SHISA9: variants seen among roughly 807,000 people sequenced by gnomAD.
SHISA9 encodes the protein protein shisa-9.
Under a neutral mutation model 38.0 loss-of-function variants are expected in SHISA9, and 13 were observed. The ratio of observed to expected loss-of-function variants is 0.34; its 90% CI spans 0.22 to 0.54. The LOEUF (loss-of-function observed/expected upper bound fraction) is 0.54. Ranked by LOEUF, SHISA9 falls within the 20% of genes least tolerant of loss-of-function variation. The pLI is 0.91. For missense variants in SHISA9, 538 were observed against 575.8 expected (o/e 0.93, Z 0.67); for synonymous variants, 275 against 242.0 (o/e 1.14, Z -1.27).
At chr16:13,162,127 A>G (rs1300720036) in intron 2 of SHISA9, among the ~76,000 whole-genome samples, 1 of 152,170 alleles carries the variant, frequency 6.6e-6, no homozygotes, top group Non-Finnish European at 1.5e-5. Context: ...AGTATTCTCA[A>G]GTAGGTAATG....
At chr16:13,271,852 C>T in the SHISA9 span, among the ~76,000 whole-genome samples, 3 of 151,862 alleles carry the variant, frequency 2.0e-5, no homozygotes, top group Non-Finnish European at 4.4e-5. Flanking sequence ...GAGGCTGAGG[C>T]GGGTGGATAA....
Position 12,945,790 on chromosome 16 carries a change from A to T in SHISA9, c.691+28975A>T, listed in dbSNP as rs114584534. Among the ~76,000 whole-genome samples, 489 of 152,358 alleles carry T rather than the reference A, an allele frequency of 3.2e-3. 4 individuals are homozygous for T. The highest frequency in any genetic ancestry group is 0.012 in the African/African-American group (481 of 41,580). On this transcript the variant is annotated intron_variant, in intron 2 of 4. Coordinates refer to ENST00000558583, the MANE Select transcript of SHISA9 (RefSeq NM_001145204.3). ...CATTAAATGTGGTATATACATACAC[A>T]TCTCCTTTTAAGAATGAGAATATGG...
At chr16:13,104,771 T>C (rs1431919940) in intron 2 of SHISA9, among the ~76,000 whole-genome samples, 1 of 152,188 alleles carries the variant, frequency 6.6e-6, no homozygotes, top group African/African-American at 2.4e-5. Flanking sequence ...AACTGGAGGA[T>C]AATCGAAATT....
chr16:13,155,809 C>T (rs1325965239), intron 2 of SHISA9, among the ~76,000 whole-genome samples: 1 of 152,126 alleles, frequency 6.6e-6, no homozygotes, highest in Non-Finnish European at 1.5e-5. Context: ...CCCTCTCCCC[C>T]TACCCCTATT....
chr16:13,058,852 C>T (rs1282173685), intron 2 of SHISA9, among the ~76,000 whole-genome samples: 4 of 151,862 alleles, frequency 2.6e-5, no homozygotes, highest in South Asian at 2.1e-4. Context: ...CACATAATAC[C>T]GTTGCTCACT....
chr16:13,286,736 A>G, the SHISA9 span, among the ~76,000 whole-genome samples: 23,374 of 152,176 alleles, frequency 0.15, 2,069 homozygotes, highest in Non-Finnish European at 0.2. Flanking sequence ...ACATCCATAG[A>G]TAGATTTTCA....
At chr16:13,441,525 C>G in the SHISA9 span, among the ~76,000 whole-genome samples, 5 of 152,148 alleles carry the variant, frequency 3.3e-5, no homozygotes, top group East Asian at 9.6e-4. Flanking sequence ...GGAACACAGG[C>G]CATGCATGGA....
chr16:13,506,967 T>G, the SHISA9 span, among the ~76,000 whole-genome samples: 3 of 152,004 alleles, frequency 2.0e-5, no homozygotes, highest in Non-Finnish European at 2.9e-5. Context: ...CACTTGAGTC[T>G]GCGAGGTCGA....
At chr16:13,522,029 A>G in the SHISA9 span, among the ~76,000 whole-genome samples, 1 of 152,196 alleles carries the variant, frequency 6.6e-6, no homozygotes, top group Non-Finnish European at 1.5e-5. Context: ...CTCTAAAACA[A>G]CAGCAACGAA....
At chr16:13,205,621 C>G (rs2051056254) in intron 3 of SHISA9, among the ~76,000 whole-genome samples, 1 of 152,186 alleles carries the variant, frequency 6.6e-6, no homozygotes. Flanking sequence ...ATATTATAGA[C>G]TGGTAAAGGA....
At chr16:13,505,440 A>G in the SHISA9 span, among the ~76,000 whole-genome samples, 1 of 152,336 alleles carries the variant, frequency 6.6e-6, no homozygotes, top group Non-Finnish European at 1.5e-5. Flanking sequence ...TGGGCTAATC[A>G]TATCACTCAG....
chr16:13,092,120 A>G (rs1345913113), intron 2 of SHISA9, among the ~76,000 whole-genome samples: 2 of 152,218 alleles, frequency 1.3e-5, no homozygotes, highest in Non-Finnish European at 2.9e-5. Context: ...TTGCCTGGGT[A>G]TCACCACCAG....
At chr16:13,033,487 T>C (rs904481230) in intron 2 of SHISA9, among the ~76,000 whole-genome samples, 4 of 152,188 alleles carry the variant, frequency 2.6e-5, no homozygotes, top group African/African-American at 9.7e-5. Flanking sequence ...CACATGATCT[T>C]CATAATCATA....
At chr16:12,929,540 C>G (rs1202748849) in intron 2 of SHISA9, among the ~76,000 whole-genome samples, 2 of 151,846 alleles carry the variant, frequency 1.3e-5, no homozygotes, top group Non-Finnish European at 2.9e-5. Flanking sequence ...AATGCAGAAA[C>G]AGAAAAGCAA....
At chr16:13,464,976 A>G in the SHISA9 span, among the ~76,000 whole-genome samples, 1 of 152,238 alleles carries the variant, frequency 6.6e-6, no homozygotes, top group South Asian at 2.1e-4. Context: ...AGATTTTCTT[A>G]GGAAGGATAA....
At chr16:13,560,784 G>T in the SHISA9 span, among the ~76,000 whole-genome samples, 1 of 149,884 alleles carries the variant, frequency 6.7e-6, no homozygotes, top group African/African-American at 2.4e-5. Flanking sequence ...GAAAGGAGAA[G>T]AGAAGAGGCT....
chr16:13,048,137 A>G (rs1231843175), intron 2 of SHISA9, among the ~76,000 whole-genome samples: 2 of 152,248 alleles, frequency 1.3e-5, no homozygotes, highest in Non-Finnish European at 2.9e-5. Context: ...GCTTTCAGGT[A>G]GCATGACTTC....
chr16:13,551,216 A>G, the SHISA9 span, among the ~76,000 whole-genome samples: 1 of 152,170 alleles, frequency 6.6e-6, no homozygotes, highest in African/African-American at 2.4e-5. Context: ...ACGTACACAC[A>G]TACACTCCTA....
chr16:13,252,869 G>C, the SHISA9 span, among the ~76,000 whole-genome samples: 171 of 152,252 alleles, frequency 1.1e-3, no homozygotes, highest in African/African-American at 4.0e-3. Context: ...AGGAAATACA[G>C]TTGACCCTTG....
Sources: gnomAD v4.1 joint callset for allele counts (sites outside exome capture counted in the v4.1 genomes callset) on GRCh38, gnomAD v4.1.1 for gene constraint, MANE v1.5 for transcripts, NCBI Gene and HGNC (gene_info 2026-07-23, HGNC 2026-07-21) for gene names.